Variants in FBXW9 observed in about 807,000 individuals in gnomAD.
The protein encoded by FBXW9 is F-box/WD repeat-containing protein 9.
A neutral mutation model predicts 55.8 loss-of-function variants in FBXW9; 38 were observed. The observed-to-expected ratio is 0.68, with a 90% CI of 0.53 to 0.89. FBXW9 has a LOEUF of 0.89. Among genes scored for constraint, FBXW9 ranks in the 40% least tolerant of loss-of-function variants. The pLI is 0.00. For synonymous variants in FBXW9, 289 were observed against 278.2 expected (o/e 1.04, Z -0.38); for missense variants, 590 against 619.4 (o/e 0.95, Z 0.50).
chr19:12,689,364 G>C lies in FBXW9; in HGVS notation c.1302+8C>G. ...CAGCTGGGCAGGGCACATGGGGCAG[G>C]ACCTTACCCTATTGAGCCCATTGTC... On this transcript the variant is annotated splice_region_variant and intron_variant, in intron 9 of 9. Coordinates refer to ENST00000393261, the MANE Select transcript of FBXW9 (RefSeq NM_032301.3). The surrounding 1 kb of genome is among the most constrained non-coding windows in gnomAD (Gnocchi z 5.9). 5.6e-6 allele frequency: 9 copies of C among 1,614,174 alleles called. No homozygotes were observed. Among genetic ancestry groups the C allele is most frequent in the Non-Finnish European group, 7.6e-6 (9 of 1,180,012 alleles).
Position 12,689,474 on chromosome 19 carries a change from C to T in FBXW9, c.1237-37G>A, listed in dbSNP as rs1599392840. 1 of 1,614,078 alleles carries T rather than the reference C, an allele frequency of 6.2e-7. No individual in the cohort carries two copies. Among genetic ancestry groups the T allele is most frequent in the Non-Finnish European group, 8.5e-7 (1 of 1,179,988 alleles). On this transcript the variant is annotated intron_variant, in intron 8 of 9. Coordinates refer to ENST00000393261, the MANE Select transcript of FBXW9 (RefSeq NM_032301.3). This position sits in a 1 kb window ranked among gnomAD's most constrained non-coding sequence, Gnocchi z 5.9. ...CAATGGGCGAGGTCAAGAGGTGTGC[C>T]CCTGGCTGATGGAGGTAGGGGAGAG...
rs771974745 is a variant in FBXW9 at position 12,691,176 on chromosome 19, G to A, written c.873C>T (p.Tyr291=). 8.7e-6 allele frequency: 14 copies of A among 1,614,112 alleles called. No homozygotes were observed. Among genetic ancestry groups the A allele is most frequent in the South Asian group, 2.2e-5 (2 of 91,088 alleles). The part of the protein sequence containing the change: ...TGTYDKKVTI[Y]DPRAGPALLK... ...GGACCCTTGGCCCACCTCTGGGGTC[G>A]TAGATGGTCACCTTCTTGTCATAGG... Residue 291 remains tyrosine, a synonymous_variant, in exon 5 of 10, where the codon TAC becomes TAT. Coordinates refer to ENST00000393261, the MANE Select transcript of FBXW9 (RefSeq NM_032301.3).
At position 12,690,014 on chromosome 19, in the gene FBXW9, T is replaced by G. The variant is rs902718359; in HGVS notation, c.980A>C (p.His327Pro). The G allele has an allele frequency of 1.9e-6, 3 of 1,614,002 alleles. No homozygotes were observed. The highest frequency in any genetic ancestry group is 2.5e-6 in the Non-Finnish European group (3 of 1,180,020). The change falls in exon 6 of 10, where the codon CAC becomes CCC. Residue 327 changes from histidine (H) to proline (P), a missense_variant. Transcript: ENST00000393261. ...DRHIISGSEDHTLVVVDRRAN... is the reference protein window; with the variant it reads ...DRHIISGSEDPTLVVVDRRAN... ...TCGGCGGTCCACCACCACCAGGGTG[T>G]GGTCCTCGCTGCCTGAGATGATGTG...
chr19:12,696,445 G>A lies in FBXW9; in HGVS notation c.137C>T (p.Ala46Val). 6.2e-7 allele frequency: 1 copy of A among 1,612,322 alleles called. No individual in the cohort carries two copies. Residue 46 changes from alanine to valine, a missense_variant, in exon 1 of 10, where the codon GCG becomes GTG. Ala to Val is a moderately conservative substitution (Grantham distance 64, BLOSUM62 0). Transcript: ENST00000393261. ...GGATAGCTGCGAGGGGCGCGAGAAC[G>A]CCAGCCCGGATTTTGGCGGACTGAG... ...RVLSPPKSGLAFSRPSQLSTP... is the reference protein window; with the variant it reads ...RVLSPPKSGLVFSRPSQLSTP...
chr19:12,689,253 C>T lies in FBXW9; in HGVS notation c.1340G>A (p.Gly447Glu). 6.2e-7 allele frequency: 1 copy of T among 1,614,220 alleles called. No homozygotes were observed. Among genetic ancestry groups the T allele is most frequent in the South Asian group, 1.1e-5 (1 of 91,092 alleles). ...AEGNLVVAGS[G>E]DLSLEVWRLQ... ...CCTCCAGACCTCTAGCGACAGGTCT[C>T]CAGAGCCGGCCACCACCAGGTTGCC... is the stretch of plus-strand genomic sequence containing the variant. Residue 447 changes from glycine (G) to glutamate (E), a missense_variant, in exon 10 of 10, where the codon GGA (glycine) becomes GAA (glutamate). Physicochemically the swap from Gly to Glu is moderately conservative, Grantham distance 98 (BLOSUM62 -2). Coordinates refer to ENST00000393261, the MANE Select transcript of FBXW9 (RefSeq NM_032301.3). This position sits in a 1 kb window ranked among gnomAD's most constrained non-coding sequence, Gnocchi z 5.9.
Position 12,689,833 on chromosome 19 carries a change from C to G in FBXW9, c.1074G>C (p.Gln358His). The G allele has an allele frequency of 6.2e-7, 1 of 1,614,138 alleles. No individual in the cohort carries two copies. Among genetic ancestry groups the G allele is most frequent in the Non-Finnish European group, 8.5e-7 (1 of 1,180,026 alleles). Residue 358 changes from glutamine to histidine, a missense_variant, in exon 7 of 10, where the codon CAG (glutamine) becomes CAC (histidine). Gln to His is a conservative substitution (Grantham distance 24, BLOSUM62 0). Coordinates refer to ENST00000393261, the MANE Select transcript of FBXW9 (RefSeq NM_032301.3). The surrounding 1 kb of genome is among the most constrained non-coding windows in gnomAD (Gnocchi z 5.9). ...YLLCMSYQEPQLWAGDNQGLL... is the reference protein window; with the variant it reads ...YLLCMSYQEPHLWAGDNQGLL... The stretch of plus-strand genomic sequence containing the variant: ...GGCCCTGGTTGTCACCAGCCCAGAG[C>G]TGGGGTTCCTGGTAGGACATGCAGA...
rs758215970 is a variant in FBXW9 at position 12,689,990 on chromosome 19, C to A, written c.1004G>T (p.Arg335Leu). ...EDHTLVVVDRRANSVLQRLQL... is the reference protein window; with the variant it reads ...EDHTLVVVDRLANSVLQRLQL... ...CAGACGCTGCAGGACGCTGTTGGCTCGGCGGTCCACCACCACCAGGGTGTG... is the reference window on the plus strand; with the variant it reads ...CAGACGCTGCAGGACGCTGTTGGCTAGGCGGTCCACCACCACCAGGGTGTG... Residue 335 changes from arginine to leucine, a missense_variant, in exon 6 of 10, where the codon CGA (arginine) becomes CTA (leucine). Arg to Leu is a moderately radical substitution (Grantham distance 102). Coordinates refer to ENST00000393261, the MANE Select transcript of FBXW9 (RefSeq NM_032301.3). The surrounding 1 kb of genome is among the most constrained non-coding windows in gnomAD (Gnocchi z 5.9). 6 of 1,613,676 alleles carry A rather than the reference C, an allele frequency of 3.7e-6. No homozygotes were observed. In the Admixed American group the frequency reaches 1.0e-4, roughly 27 times the overall value.
intron 3 of FBXW9, among the ~76,000 whole-genome samples, chr19:12,693,727 A>G (rs1214341690): frequency 6.7e-6 from 1 of 148,228 alleles, no homozygotes; most frequent in Non-Finnish European, 1.5e-5. Flanking sequence ...GTGAGATTCC[A>G]TTAAAAAAAA....
In FBXW9 at chr19:12,696,453, G is replaced by C. The variant is rs1366807527; in HGVS notation, c.129C>G (p.Ser43=). The part of the protein sequence containing the change: ...YVARVLSPPK[S]GLAFSRPSQL... ...GCGAGGGGCGCGAGAACGCCAGCCC[G>C]GATTTTGGCGGACTGAGAACGCGGG... Residue 43 remains serine, a synonymous_variant, in exon 1 of 10, where the codon TCC becomes TCG. Transcript: ENST00000393261. 3 of 1,612,548 alleles carry C rather than the reference G, an allele frequency of 1.9e-6. No homozygotes were observed. The highest frequency in any genetic ancestry group is 1.7e-6 in the Non-Finnish European group (2 of 1,179,886).
chr19:12,692,639 G>T (rs921798726), intron 3 of FBXW9, among the ~76,000 whole-genome samples: 1 of 151,224 alleles, frequency 6.6e-6, no homozygotes, highest in Non-Finnish European at 1.5e-5. Context: ...CTCCTGCCTC[G>T]GCCTCCCGAG....
Position 12,693,586 on chromosome 19 carries a change from ACACACACACACACACAC to A in FBXW9, c.678+991_678+1007del, listed in dbSNP as rs1568326350. ...TACACACACACACACACACACACAC[ACACACACACACACACAC>A]ACACAAAAGAAATTAGCTGGGCATG... On this transcript the variant is annotated intron_variant, in intron 3 of 9. Coordinates refer to ENST00000393261, the MANE Select transcript of FBXW9 (RefSeq NM_032301.3). 1.4e-4 allele frequency among the ~76,000 whole-genome samples: 16 copies of A among 115,506 alleles called. 2 individuals are homozygous for A. Among genetic ancestry groups the A allele is most frequent in the African/African-American group, 8.2e-4 (16 of 19,402 alleles). The allele number at this position is 115,506 out of a possible 152,430, so 75.8% of individuals were successfully genotyped here.
chr19:12,689,990 C>G lies in FBXW9; in HGVS notation c.1004G>C (p.Arg335Pro). 6.2e-7 allele frequency: 1 copy of G among 1,613,796 alleles called. No homozygotes were observed. Among genetic ancestry groups the G allele is most frequent in the South Asian group, 1.1e-5 (1 of 91,076 alleles). The change falls in exon 6 of 10, where the codon CGA (arginine) becomes CCA (proline). Residue 335 changes from arginine (R) to proline (P), a missense_variant. Physicochemically the swap from Arg to Pro is moderately radical, Grantham distance 103 (BLOSUM62 -2). Coordinates refer to ENST00000393261, the MANE Select transcript of FBXW9 (RefSeq NM_032301.3). This position sits in a 1 kb window ranked among gnomAD's most constrained non-coding sequence, Gnocchi z 5.9. ...CAGACGCTGCAGGACGCTGTTGGCT[C>G]GGCGGTCCACCACCACCAGGGTGTG... ...EDHTLVVVDR[R>P]ANSVLQRLQL... is the part of the protein sequence containing the mutation.
In FBXW9 at chr19:12,689,801, T is replaced by G. The variant is rs756250440; in HGVS notation, c.1106A>C (p.His369Pro). 6.2e-7 allele frequency: 1 copy of G among 1,614,070 alleles called. No homozygotes were observed. The highest frequency in any genetic ancestry group is 8.5e-7 in the Non-Finnish European group (1 of 1,180,004). Residue 369 changes from histidine to proline, a missense_variant, in exon 7 of 10, where the codon CAC becomes CCC. Physicochemically the swap from His to Pro is moderately conservative, Grantham distance 77. Coordinates refer to ENST00000393261, the MANE Select transcript of FBXW9 (RefSeq NM_032301.3). The surrounding 1 kb of genome is among the most constrained non-coding windows in gnomAD (Gnocchi z 5.9). The part of the protein sequence containing the change: ...LWAGDNQGLL[H>P]VFANRNGCFQ... ...GCAGCCGTTGCGGTTGGCGAAGACG[T>G]GCAGCAGGCCCTGGTTGTCACCAGC...
At position 12,690,029 on chromosome 19, in the gene FBXW9, G is replaced by A. The variant is rs1489529338; in HGVS notation, c.965C>T (p.Ser322Leu). ...CACCAGGGTGTGGTCCTCGCTGCCTGAGATGATGTGCCGGTCATCCGCCAG... is the reference window on the plus strand; with the variant it reads ...CACCAGGGTGTGGTCCTCGCTGCCTAAGATGATGTGCCGGTCATCCGCCAG... ...TLLADDRHII[S>L]GSEDHTLVVV... The change falls in exon 6 of 10, where the codon TCA becomes TTA. Residue 322 changes from serine to leucine, a missense_variant. Ser to Leu is a moderately radical substitution (Grantham distance 145). Coordinates refer to ENST00000393261, the MANE Select transcript of FBXW9 (RefSeq NM_032301.3). 2.5e-6 allele frequency: 4 copies of A among 1,614,090 alleles called. 1 individual carries two copies. The South Asian group carries it at 4.4e-5, about 18-fold the overall frequency.
intron 1 of FBXW9, 88 bp from the exon 2 acceptor site, chr19:12,695,026 G>A (rs963444250): frequency 1.8e-5 from 26 of 1,450,892 alleles, no homozygotes; most frequent in Admixed American, 3.9e-5. Context: ...CTTCCAGGGA[G>A]CCCACACTAC....
intron 3 of FBXW9, among the ~76,000 whole-genome samples, chr19:12,693,514 AAAAAAAAAAAAAAAAATAT>A (rs1194487592): frequency 3.5e-5 from 1 of 28,768 alleles, no homozygotes; most frequent in African/African-American, 1.5e-4. Flanking sequence ...AAAAAAAAAA[AAAAAAAAAAAAAAAAATAT>A]ATATATATAT....
intron 1 of FBXW9, among the ~76,000 whole-genome samples, chr19:12,695,249 G>A (rs941869936): frequency 6.6e-6 from 1 of 152,150 alleles, no homozygotes; most frequent in African/African-American, 2.4e-5. Context: ...GGATGTTGAG[G>A]TCTGACCTCA....
At chr19:12,690,241 A>G (rs1339001008) in intron 5 of FBXW9, 131 bp from the exon 6 acceptor site, 1 of 1,468,772 alleles carries the variant, frequency 6.8e-7, no homozygotes, top group Non-Finnish European at 9.2e-7. Flanking sequence ...CACCCCACAG[A>G]GTGACCCATC....
chr19:12,696,630 A>C lies in FBXW9; in HGVS notation c.-49T>G, dbSNP rs776931659. 19 of 1,578,946 alleles carry C rather than the reference A, an allele frequency of 1.2e-5. No individual in the cohort carries two copies. The highest frequency in any genetic ancestry group is 1.1e-4 in the East Asian group (5 of 44,688). On this transcript the variant is annotated 5_prime_UTR_variant, in exon 1 of 10. Transcript: ENST00000393261. ...CCTCGCGTCTTGTCTCCTAGGCAGCACGAGGGCACTTCCGGCGCTGTCTGA... is the reference window on the plus strand; with the variant it reads ...CCTCGCGTCTTGTCTCCTAGGCAGCCCGAGGGCACTTCCGGCGCTGTCTGA...
Sources: allele counts gnomAD v4.1 joint callset (sites outside exome capture counted in the v4.1 genomes callset), GRCh38; gene constraint gnomAD v4.1.1; non-coding constraint Gnocchi (gnomAD v3.1); transcripts MANE v1.5; gene names NCBI Gene and HGNC (gene_info 2026-07-23, HGNC 2026-07-21).